NRCAM: variants seen among roughly 807,000 people sequenced by gnomAD.
The protein encoded by NRCAM is neuronal cell adhesion molecule.
NRCAM carries 83 observed loss-of-function variants against 156.5 expected under a neutral mutation model. The ratio of observed to expected loss-of-function variants is 0.53; its 90% confidence interval spans 0.44 to 0.64. NRCAM has a LOEUF of 0.64. NRCAM is among the 30% of genes least tolerant of loss of function. The probability of loss-of-function intolerance (pLI) is 0.00; values close to 1 mark genes in which losing one functional copy is unlikely to be tolerated. For synonymous variants in NRCAM, 538 were observed against 563.9 expected (o/e 0.95, Z 0.65); for missense variants, 1,417 against 1,597.3 (o/e 0.89, Z 1.92).
chr7:108,329,080 A>G lies in NRCAM; in HGVS notation c.-173-16349T>C. Among the ~76,000 whole-genome samples, 2 of 152,248 alleles carry G rather than the reference A, an allele frequency of 1.3e-5. 1 individual carries two copies. Among genetic ancestry groups the G allele is most frequent in the South Asian group, 4.1e-4 (2 of 4,822 alleles). On this transcript the variant is annotated intron_variant, in intron 2 of 32. Coordinates refer to ENST00000379028, the MANE Select transcript of NRCAM (RefSeq NM_001037132.4). ...AGATCTCAGTAAAAATAAATATTATAACTATTTTTCTTACTTTCTTTCCCC... is the reference window on the plus strand; with the variant it reads ...AGATCTCAGTAAAAATAAATATTATGACTATTTTTCTTACTTTCTTTCCCC...
In NRCAM at chr7:108,182,695, G is replaced by T. The variant is rs755368509; in HGVS notation, c.2530C>A (p.Leu844Ile). 1 of 1,613,342 alleles carries T rather than the reference G, an allele frequency of 6.2e-7. No individual in the cohort carries two copies. The highest frequency in any genetic ancestry group is 8.5e-7 in the Non-Finnish European group (1 of 1,179,358). The change falls in exon 23 of 33, where the codon CTC (leucine) becomes ATC (isoleucine). Residue 844 changes from leucine to isoleucine, a missense_variant and splice_region_variant. Physicochemically the swap from Leu to Ile is conservative, Grantham distance 5 (BLOSUM62 2). This residue lies in a region of NRCAM where 1,238 missense variants were observed against 1,336.4 expected (regional missense o/e 0.93). Transcript: ENST00000379028. ...AVVMGHSGED[L>I]PMVAPGNVRV... ...AAAAGTAGGAAATGGCATCACTTAC[G>T]GTCTTCTCCAGAATGTCCCATGACT...
At chr7:108,235,869 G>A (rs556836529) in intron 5 of NRCAM, among the ~76,000 whole-genome samples, 11 of 152,254 alleles carry the variant, frequency 7.2e-5, no homozygotes, top group Admixed American at 2.0e-4. Flanking sequence ...TGAGGCAGAC[G>A]ACAATGTGCT....
At chr7:108,214,807 C>G (rs1046873744) in intron 11 of NRCAM, among the ~76,000 whole-genome samples, 10 of 152,154 alleles carry the variant, frequency 6.6e-5, no homozygotes, top group African/African-American at 2.4e-4. Flanking sequence ...TGTCTTTGTT[C>G]TCATTGGTTT....
At chr7:108,332,459 C>T (rs752796275) in intron 2 of NRCAM, among the ~76,000 whole-genome samples, 1 of 152,184 alleles carries the variant, frequency 6.6e-6, no homozygotes, top group Non-Finnish European at 1.5e-5. Flanking sequence ...TAATTCTCGG[C>T]TCACTGCTTC....
chr7:108,261,227 A>C (rs2153993229), intron 3 of NRCAM, among the ~76,000 whole-genome samples: 1 of 152,296 alleles, frequency 6.6e-6, no homozygotes, highest in Middle Eastern at 3.4e-3. Flanking sequence ...AATCATTATA[A>C]AACCCACTTA....
chr7:108,192,576 C>T (rs556981306), intron 17 of NRCAM, among the ~76,000 whole-genome samples: 1 of 152,230 alleles, frequency 6.6e-6, no homozygotes, highest in African/African-American at 2.4e-5. Context: ...GAGGAAGGAG[C>T]TTCCTTAAGT....
intron 1 of NRCAM, among the ~76,000 whole-genome samples, chr7:108,448,210 C>T (rs1392968672): frequency 3.3e-5 from 5 of 152,142 alleles, no homozygotes; most frequent in Non-Finnish European, 7.4e-5. Flanking sequence ...TCATGTAAAA[C>T]ACAACATGTC....
chr7:108,240,819 T>C (rs553801626), intron 3 of NRCAM, among the ~76,000 whole-genome samples: 1 of 152,318 alleles, frequency 6.6e-6, no homozygotes, highest in African/African-American at 2.4e-5. Context: ...CCAATGTATC[T>C]TTAAACAAGT....
chr7:108,418,775 T>C (rs886806082), intron 1 of NRCAM, among the ~76,000 whole-genome samples: 1 of 152,230 alleles, frequency 6.6e-6, no homozygotes, highest in Admixed American at 6.5e-5. Context: ...TTAATACAAC[T>C]GTGTGGATTT....
chr7:108,427,608 T>C (rs1463395615), intron 1 of NRCAM, among the ~76,000 whole-genome samples: 1 of 152,210 alleles, frequency 6.6e-6, no homozygotes, highest in African/African-American at 2.4e-5. Flanking sequence ...GATTTTACCA[T>C]GCTCACTTCA....
intron 2 of NRCAM, among the ~76,000 whole-genome samples, chr7:108,345,920 G>C (rs1299147938): frequency 6.6e-6 from 1 of 152,204 alleles, no homozygotes; most frequent in African/African-American, 2.4e-5. Context: ...CCCAGGAGTC[G>C]ATGGCAGAGA....
intron 2 of NRCAM, among the ~76,000 whole-genome samples, chr7:108,355,460 T>C (rs2099486943): frequency 6.6e-6 from 1 of 152,210 alleles, no homozygotes; most frequent in South Asian, 2.1e-4. Context: ...TGCTGTATGA[T>C]TTATAAAGAT....
intron 3 of NRCAM, among the ~76,000 whole-genome samples, chr7:108,242,172 G>A (rs1018131257): frequency 3.3e-5 from 5 of 150,244 alleles, no homozygotes; most frequent in Admixed American, 6.7e-5. Context: ...CTACTTGGGA[G>A]GCTGAGGTGG....
chr7:108,229,007 G>A (rs1361677736), intron 8 of NRCAM, among the ~76,000 whole-genome samples: 3 of 152,138 alleles, frequency 2.0e-5, no homozygotes, highest in Non-Finnish European at 4.4e-5. Flanking sequence ...CAGATTAAAT[G>A]TTAGAGGCAA....
chr7:108,344,658 T>A (rs1304809339), intron 2 of NRCAM, among the ~76,000 whole-genome samples: 1 of 152,186 alleles, frequency 6.6e-6, no homozygotes, highest in Non-Finnish European at 1.5e-5. Context: ...ATACTGACAT[T>A]CTGTCCCATT....
intron 2 of NRCAM, among the ~76,000 whole-genome samples, chr7:108,372,005 G>A (rs1046977485): frequency 1.3e-5 from 2 of 152,070 alleles, no homozygotes; most frequent in African/African-American, 4.8e-5. Flanking sequence ...GCATGGTACT[G>A]GCATAAAGAA....
At chr7:108,278,428 G>A (rs1285713738) in intron 3 of NRCAM, among the ~76,000 whole-genome samples, 6 of 152,126 alleles carry the variant, frequency 3.9e-5, no homozygotes, top group African/African-American at 7.2e-5. Context: ...TTGTTTACAC[G>A]GTGAGCACAG....
chr7:108,322,125 CA>C (rs1335684624), intron 2 of NRCAM, among the ~76,000 whole-genome samples: 5 of 152,014 alleles, frequency 3.3e-5, no homozygotes, highest in Non-Finnish European at 7.4e-5. Flanking sequence ...GAAAAACTTT[CA>C]AACAGTTGGA....
At chr7:108,172,980 T>C (rs1255009426) in intron 28 of NRCAM, among the ~76,000 whole-genome samples, 2 of 117,176 alleles carry the variant, frequency 1.7e-5, no homozygotes, top group African/African-American at 2.9e-5. Flanking sequence ...TTATGAGATG[T>C]TGATTTTTTT....
Sources: gnomAD v4.1 joint callset for allele counts (sites outside exome capture counted in the v4.1 genomes callset) on GRCh38, gnomAD v4.1.1 for gene constraint, gnomAD v4.1.1 regional missense constraint, MANE v1.5 for transcripts, NCBI Gene and HGNC (gene_info 2026-07-23, HGNC 2026-07-21) for gene names.